Variants in ADH6 observed in about 807,000 individuals in gnomAD.
The protein encoded by ADH6 is alcohol dehydrogenase 6.
ADH6 carries 34 observed loss-of-function variants against 36.5 expected under a neutral mutation model. The observed-to-expected ratio is 0.93, with a 90% CI of 0.71 to 1.24. The LOEUF is 1.24. Ranked by LOEUF, ADH6 falls within the 50% of genes most tolerant of loss-of-function variation. ADH6 has a pLI of 0.00. For synonymous variants in ADH6, 161 were observed against 155.5 expected (o/e 1.04, Z -0.26); for missense variants, 440 against 447.0 (o/e 0.98, Z 0.14).
At chr4:99,211,459 A>G (rs1731222910) in intron 3 of ADH6, among the ~76,000 whole-genome samples, 1 of 152,104 alleles carries the variant, frequency 6.6e-6, no homozygotes, top group Non-Finnish European at 1.5e-5. Flanking sequence ...TTGTTTCTCT[A>G]CACCCCAACA....
intron 8 of ADH6, chr4:99,204,564 C>G (rs1422118286): frequency 2.5e-6 from 3 of 1,202,532 alleles, no homozygotes; most frequent in Non-Finnish European, 3.1e-6. Context: ...AGTAGAACAA[C>G]AAATACAACA....
intron 2 of ADH6, chr4:99,215,957 T>A: frequency 2.8e-6 from 1 of 352,178 alleles, no homozygotes. Flanking sequence ...CTTTGGGCAG[T>A]TAGCCTATGC....
chr4:99,211,564 A>G (rs1380935010), intron 3 of ADH6, among the ~76,000 whole-genome samples: 1 of 152,164 alleles, frequency 6.6e-6, no homozygotes, highest in Non-Finnish European at 1.5e-5. Context: ...AACTGTGACT[A>G]TGTTGTGGTG....
At chr4:99,207,608 T>C in intron 6 of ADH6, 27 bp from the exon 7 acceptor site, 1 of 1,607,924 alleles carries the variant, frequency 6.2e-7, no homozygotes, top group Non-Finnish European at 8.5e-7. Flanking sequence ...CAATACAGTA[T>C]AGGGGTTAAA....
intron 1 of ADH6, among the ~76,000 whole-genome samples, chr4:99,217,238 G>A (rs921962999): frequency 3.9e-5 from 6 of 151,956 alleles, no homozygotes; most frequent in Non-Finnish European, 7.4e-5. Flanking sequence ...GGGTTTCACT[G>A]TGTTAGCCAG....
rs984179780 is a variant in ADH6 at position 99,202,951 on chromosome 4, A to C, written c.*1268T>G. ...AGGAAGCAGGCCCCTAAAGGGAAAC[A>C]CAGGATGCCCAACTCATAAGAATCA... On this transcript the variant is annotated 3_prime_UTR_variant, in exon 9 of 9. Coordinates refer to ENST00000394899, the MANE Select transcript of ADH6 (RefSeq NM_001102470.2). The C allele has an allele frequency of 5.1e-5, 20 of 395,200 alleles. No individual in the cohort carries two copies. The highest frequency in any genetic ancestry group is 2.6e-4 in the Admixed American group (6 of 22,666). 24.5% of individuals were successfully genotyped at this position (395,200 alleles called of 1,614,324 possible).
intron 1 of ADH6, among the ~76,000 whole-genome samples, chr4:99,217,192 C>T (rs983233747): frequency 3.9e-5 from 6 of 152,030 alleles, no homozygotes; most frequent in African/African-American, 1.2e-4. Flanking sequence ...CCCACCACCA[C>T]GCCTGGCTAA....
intron 7 of ADH6, among the ~76,000 whole-genome samples, chr4:99,206,012 G>A (rs1308325281): frequency 1.3e-5 from 2 of 152,124 alleles, no homozygotes; most frequent in East Asian, 3.9e-4. Context: ...GTCATGACAT[G>A]AAGGGCCAGT....
chr4:99,207,908 A>G (rs930502829), intron 6 of ADH6, among the ~76,000 whole-genome samples: 1 of 152,144 alleles, frequency 6.6e-6, no homozygotes, highest in African/African-American at 2.4e-5. Flanking sequence ...GTAAGAATTG[A>G]CATTTTTCTT....
At chr4:99,211,191 A>G (rs1182706720) in intron 3 of ADH6, among the ~76,000 whole-genome samples, 1 of 152,114 alleles carries the variant, frequency 6.6e-6, no homozygotes, top group Non-Finnish European at 1.5e-5. Context: ...CATATGGTAA[A>G]AATTTAAACT....
At chr4:99,207,410 C>T (rs1268393557) in intron 7 of ADH6, 36 bp downstream of exon 7, 5 of 1,611,742 alleles carry the variant, frequency 3.1e-6, no homozygotes, top group Non-Finnish European at 2.5e-6. Context: ...CCTTCACCTC[C>T]TCAGGCATTT....
intron 1 of ADH6, among the ~76,000 whole-genome samples, chr4:99,217,235 A>T (rs972445264): frequency 6.6e-6 from 1 of 151,918 alleles, no homozygotes; most frequent in African/African-American, 2.4e-5. Context: ...ACGGGGTTTC[A>T]CTGTGTTAGC....
rs28720152 is a variant in ADH6 at position 99,210,461 on chromosome 4, A to G, written c.304T>C (p.Cys102Arg). 6.2e-7 allele frequency: 1 copy of G among 1,612,240 alleles called. No homozygotes were observed. The highest frequency in any genetic ancestry group is 2.2e-5 in the East Asian group (1 of 44,874). Residue 102 changes from cysteine to arginine, a missense_variant, in exon 4 of 9, where the codon TGT (cysteine) becomes CGT (arginine). By Grantham distance (180) the Cys-to-Arg change is radical. Coordinates refer to ENST00000394899, the MANE Select transcript of ADH6 (RefSeq NM_001102470.2). The stretch of plus-strand genomic sequence containing the variant: ...CCCTCAGAATTCAGGCAAGAGGTAC[A>G]TTCTCCACACTGTGGCAGAAAGAGT... ...ITLFLPQCGE[C>R]TSCLNSEGNF...
At chr4:99,216,369 TCCGC>T in intron 1 of ADH6, 107 bp from the exon 2 acceptor site, 1 of 571,500 alleles carries the variant, frequency 1.7e-6, no homozygotes, top group Non-Finnish European at 2.8e-6. Context: ...AGTCCAACTT[TCCGC>T]ACTGCAGAAA....
At position 99,213,708 on chromosome 4, in the gene ADH6, A is replaced by G. The variant is rs766249051; in HGVS notation, c.160T>C (p.Leu54=). Residue 54 remains leucine, a synonymous_variant, in exon 3 of 9, where the codon TTG becomes CTG. Coordinates refer to ENST00000394899, the MANE Select transcript of ADH6 (RefSeq NM_001102470.2). The part of the protein sequence containing the change: ...TGLCGTEMKV[L]GSKHLDLLYP... ...AAGAGGTCCAAGTGTTTACTCCCCA[A>G]CACTTTCATCTCTGTACCACACAGT... 5 of 1,613,782 alleles carry G rather than the reference A, an allele frequency of 3.1e-6. No homozygotes were observed. The Admixed American group carries it at 5.0e-5, about 16-fold the overall frequency.
chr4:99,206,589 C>T (rs1166028921), intron 7 of ADH6, among the ~76,000 whole-genome samples: 2 of 149,196 alleles, frequency 1.3e-5, no homozygotes, highest in African/African-American at 5.0e-5. Flanking sequence ...TTTGCTGGTC[C>T]TGCCATGTAT....
Position 99,207,499 on chromosome 4 carries a change from AT to A in ADH6, c.910del (p.Ile304SerfsTer12), listed in dbSNP as rs1731076029. 2 of 1,613,524 alleles carry A rather than the reference AT, an allele frequency of 1.2e-6. No individual in the cohort carries two copies. The highest frequency in any genetic ancestry group is 3.3e-5 in the Admixed American group (2 of 59,920). On this transcript the variant is annotated frameshift_variant, in exon 7 of 9. Coordinates refer to ENST00000394899, the MANE Select transcript of ADH6 (RefSeq NM_001102470.2). LOFTEE classifies it high-confidence loss of function. ...GVLPASVQLKISGQLFFSGRS... is the reference protein window; with the variant it reads ...GVLPASVQLKXSGQLFFSGRS... ...TCCTGAGAAGAACAACTGGCCACTG[AT>A]TTTGAGTTGAACACTGGCAGGCAAC...
chr4:99,204,246 GA>G lies in ADH6; in HGVS notation c.1104-4del. The G allele has an allele frequency of 1.3e-6, 2 of 1,597,942 alleles. No homozygotes were observed. Among genetic ancestry groups the G allele is most frequent in the South Asian group, 1.1e-5 (1 of 89,580 alleles). ...AAAGTAACAGGATACAGCGGATACT[GA>G]AAAAAAGAAGAAGAGAAAAAAGGTT... On this transcript the variant is annotated splice_region_variant and splice_polypyrimidine_tract_variant and intron_variant, in intron 8 of 8. Transcript: ENST00000394899.
In ADH6 at chr4:99,219,133, A is replaced by G; in HGVS notation, c.18+2T>C. ...CAACATAAAGAATAAGACTGCACCT[A>G]CTTGGCCTGTAGTACTCATGCTGAT... On this transcript the variant is annotated splice_donor_variant, in intron 1 of 8. Transcript: ENST00000394899. LOFTEE classifies it high-confidence loss of function. 1 of 1,611,694 alleles carries G rather than the reference A, an allele frequency of 6.2e-7. No homozygotes were observed. The highest frequency in any genetic ancestry group is 8.5e-7 in the Non-Finnish European group (1 of 1,177,916).
Sources: allele counts gnomAD v4.1 joint callset (sites outside exome capture counted in the v4.1 genomes callset), GRCh38; gene constraint gnomAD v4.1.1; transcripts MANE v1.5; gene names NCBI Gene and HGNC (gene_info 2026-07-23, HGNC 2026-07-21).